RHBDD1: variants seen among roughly 807,000 people sequenced by gnomAD.
RHBDD1 encodes rhomboid-related protein 4.
RHBDD1 carries 38 observed loss-of-function variants against 36.3 expected under a neutral mutation model. The ratio of observed to expected loss-of-function variants is 1.05; its 90% CI spans 0.81 to 1.37. RHBDD1 has a LOEUF of 1.37. RHBDD1 is among the 40% of genes most tolerant of loss of function. The probability of loss-of-function intolerance (pLI) is 0.00; values close to 1 mark genes in which losing one functional copy is unlikely to be tolerated. For missense variants in RHBDD1, 393 were observed against 377.6 expected, an observed-to-expected ratio of 1.04 and a Z score of -0.34; for synonymous variants, 151 against 136.5, an observed-to-expected ratio of 1.11 and a Z score of -0.74.
chr2:226,926,480 G>A (rs911380102), intron 8 of RHBDD1, among the ~76,000 whole-genome samples: 1 of 152,140 alleles, frequency 6.6e-6, no homozygotes, highest in African/African-American at 2.4e-5. Context: ...CTCATTGAAT[G>A]GTAGGTGTCT....
chr2:226,991,064 T>A (rs983365067), intron 8 of RHBDD1, among the ~76,000 whole-genome samples: 4 of 152,236 alleles, frequency 2.6e-5, no homozygotes, highest in Non-Finnish European at 2.9e-5. Flanking sequence ...TTTTTATATC[T>A]ATTTCTCAGA....
In RHBDD1 at chr2:226,997,988, G is replaced by C. The variant is rs1345823088; in HGVS notation, c.*2466G>C. The C allele has an allele frequency of 6.6e-6, 1 of 152,222 alleles. No individual in the cohort carries two copies. Among genetic ancestry groups the C allele is most frequent in the Non-Finnish European group, 1.5e-5 (1 of 68,036 alleles). The allele number at this position is 152,222 out of a possible 1,614,324, so 9.4% of individuals were successfully genotyped here. The stretch of plus-strand genomic sequence containing the variant: ...GATTGAGAAAGACAAAAGCAAGTGA[G>C]CAAGTGTATTAGACTAATTATCTCT... On this transcript the variant is annotated 3_prime_UTR_variant, in exon 9 of 9. Transcript: ENST00000392062.
At chr2:226,970,030 T>C (rs1475945766) in intron 8 of RHBDD1, among the ~76,000 whole-genome samples, 5 of 135,550 alleles carry the variant, frequency 3.7e-5, no homozygotes, top group African/African-American at 1.1e-4. Flanking sequence ...CTGGGCTGCT[T>C]TTAACCTGGT....
At chr2:226,988,316 A>G in intron 8 of RHBDD1, 1 of 1,547,490 alleles carries the variant, frequency 6.5e-7, no homozygotes, top group Non-Finnish European at 8.7e-7. Flanking sequence ...ACTGTGCCCC[A>G]CCTGAACATC....
At chr2:226,838,263 C>T (rs2124920174) in intron 2 of RHBDD1, 109 bp downstream of exon 2, 1 of 152,330 alleles carries the variant, frequency 6.6e-6, no homozygotes, top group South Asian at 2.1e-4. Context: ...AAACATAAGT[C>T]ACTTTGAATG....
At chr2:226,813,201 A>G in the RHBDD1 span, among the ~76,000 whole-genome samples, 1 of 152,228 alleles carries the variant, frequency 6.6e-6, no homozygotes, top group Admixed American at 6.5e-5. Flanking sequence ...AATGGCTAAC[A>G]ATACAAACCA....
chr2:226,974,880 C>G (rs547678181), intron 8 of RHBDD1, among the ~76,000 whole-genome samples: 1 of 152,288 alleles, frequency 6.6e-6, no homozygotes, highest in East Asian at 1.9e-4. Context: ...TCAGGGACAT[C>G]CTGGAGATCT....
Position 226,974,439 on chromosome 2 carries a change from G to A in RHBDD1, c.857-20992G>A, listed in dbSNP as rs182652358. 1.4e-3 allele frequency among the ~76,000 whole-genome samples: 219 copies of A among 152,074 alleles called. 2 individuals are homozygous for A. Among genetic ancestry groups the A allele is most frequent in the African/African-American group, 4.4e-3 (184 of 41,496 alleles). The stretch of plus-strand genomic sequence containing the variant: ...TTTTTAGTAGAGACGGGGTTTCACC[G>A]TGTTAGCCAGGATGGTTTCGATCTC... On this transcript the variant is annotated intron_variant, in intron 8 of 8. Transcript: ENST00000392062.
chr2:226,930,156 T>C lies in RHBDD1; in HGVS notation c.856+15805T>C, dbSNP rs538310404. On this transcript the variant is annotated intron_variant, in intron 8 of 8. Transcript: ENST00000392062. ...CTGTTTTTCACAGAAATGTAAAAAA[T>C]AACCCAAAAATTCATATGGAACCAA... 7.9e-5 allele frequency among the ~76,000 whole-genome samples: 12 copies of C among 151,674 alleles called. No individual in the cohort carries two copies. The South Asian group carries it at 1.7e-3, about 21-fold the overall frequency.
At chr2:226,863,394 C>T (rs1944036870) in intron 3 of RHBDD1, among the ~76,000 whole-genome samples, 1 of 152,216 alleles carries the variant, frequency 6.6e-6, no homozygotes, top group Non-Finnish European at 1.5e-5. Context: ...GAGGGACAAA[C>T]ACCTAAACCA....
At chr2:226,881,683 T>C (rs1247662583) in intron 5 of RHBDD1, among the ~76,000 whole-genome samples, 2 of 152,244 alleles carry the variant, frequency 1.3e-5, no homozygotes, top group Non-Finnish European at 2.9e-5. Context: ...TTTATTCTAG[T>C]TGATAGGTCA....
intron 8 of RHBDD1, among the ~76,000 whole-genome samples, chr2:226,968,152 C>T (rs564609290): frequency 5.1e-4 from 78 of 152,208 alleles, no homozygotes; most frequent in African/African-American, 1.8e-3. Context: ...AGTTACAGTA[C>T]CACCAATAAG....
chr2:226,984,255 A>G (rs911417309), intron 8 of RHBDD1, among the ~76,000 whole-genome samples: 7 of 152,204 alleles, frequency 4.6e-5, no homozygotes, highest in Non-Finnish European at 1.0e-4. Flanking sequence ...ACAAAATACT[A>G]CCATGGACCC....
chr2:226,830,846 T>C (rs1157271915), upstream of RHBDD1, among the ~76,000 whole-genome samples: 2 of 152,124 alleles, frequency 1.3e-5, no homozygotes, highest in African/African-American at 4.8e-5. Context: ...CTTATTTAAT[T>C]TGTTGTATAG....
the RHBDD1 span, among the ~76,000 whole-genome samples, chr2:226,806,084 CTCTT>C: frequency 3.3e-5 from 5 of 152,188 alleles, no homozygotes; most frequent in East Asian, 9.6e-4. Flanking sequence ...CTCTCTCTCT[CTCTT>C]TCTTCTTCTT....
chr2:226,922,004 A>G (rs117034027), intron 8 of RHBDD1, among the ~76,000 whole-genome samples: 1 of 152,192 alleles, frequency 6.6e-6, no homozygotes, highest in East Asian at 1.9e-4. Flanking sequence ...TGCTTTATAT[A>G]TCTGGGTGCT....
At chr2:226,966,794 TAGCCAGCTG>T (rs1952667266) in intron 8 of RHBDD1, among the ~76,000 whole-genome samples, 1 of 152,006 alleles carries the variant, frequency 6.6e-6, no homozygotes, top group Non-Finnish European at 1.5e-5. Flanking sequence ...ACCTTCTGAA[TAGCCAGCTG>T]AGACTACAGG....
chr2:226,806,858 C>T, the RHBDD1 span, among the ~76,000 whole-genome samples: 3 of 152,298 alleles, frequency 2.0e-5, no homozygotes, highest in Non-Finnish European at 4.4e-5. Flanking sequence ...TTTCTGAATT[C>T]AAAAACAGAA....
At chr2:226,954,589 C>G (rs1041911474) in intron 8 of RHBDD1, among the ~76,000 whole-genome samples, 2 of 151,994 alleles carry the variant, frequency 1.3e-5, no homozygotes, top group African/African-American at 4.8e-5. Context: ...ACTGCTCCCC[C>G]GACCCCCACC....
Sources: allele counts gnomAD v4.1 joint callset (sites outside exome capture counted in the v4.1 genomes callset), GRCh38; gene constraint gnomAD v4.1.1; transcripts MANE v1.5; gene names NCBI Gene and HGNC (gene_info 2026-07-23, HGNC 2026-07-21).